The following SAMD8 variants were observed in gnomAD, a reference collection of about 807,000 sequenced individuals.
SAMD8 encodes sterile alpha motif domain containing 8, also known as sphingomyelin synthase-related protein 1.
SAMD8 carries 20 observed loss-of-function variants against 42.0 expected under a neutral mutation model. That is an observed-to-expected ratio of 0.48 (90% CI 0.34 to 0.69). The LOEUF is 0.69. Among genes scored for constraint, SAMD8 ranks in the 30% least tolerant of loss-of-function variants. The pLI, the probability that SAMD8 is intolerant of heterozygous loss-of-function variation, is 0.01. For missense variants in SAMD8, 328 were observed against 511.6 expected, an observed-to-expected ratio of 0.64 and a Z score of 3.46; for synonymous variants, 162 against 173.0, an observed-to-expected ratio of 0.94 and a Z score of 0.50.
At chr10:75,108,106 C>G (rs761985911), upstream of SAMD8, 1 of 1,613,724 alleles carries the variant, frequency 6.2e-7, no homozygotes, top group South Asian at 1.1e-5. Flanking sequence ...ACACTGCTGC[C>G]GTAGAAGTCA....
intron 2 of SAMD8, among the ~76,000 whole-genome samples, chr10:75,162,023 GCAACACTC>G (rs1472380397): frequency 6.6e-6 from 1 of 152,008 alleles, no homozygotes; most frequent in African/African-American, 2.4e-5. Context: ...GGGCAACAGA[GCAACACTC>G]CGTCTCAAAA....
At chr10:75,114,044 A>C (rs921543875) in intron 1 of SAMD8, among the ~76,000 whole-genome samples, 1 of 152,168 alleles carries the variant, frequency 6.6e-6, no homozygotes, top group East Asian at 1.9e-4. Context: ...AATAAAGAAA[A>C]TCAGTTTTTG....
At chr10:75,130,363 G>A (rs1446674706) in intron 1 of SAMD8, among the ~76,000 whole-genome samples, 4 of 151,982 alleles carry the variant, frequency 2.6e-5, no homozygotes, top group East Asian at 3.9e-4. Flanking sequence ...AAAATTAGCC[G>A]GGCTTGGTGG....
At chr10:75,105,994 C>T in intron 1 of SAMD8, 1 of 849,896 alleles carries the variant, frequency 1.2e-6, no homozygotes, top group Non-Finnish European at 1.9e-6. Context: ...GCAAGTCACT[C>T]AGCCTTTATG....
intron 1 of SAMD8, among the ~76,000 whole-genome samples, chr10:75,120,696 C>T (rs1384320165): frequency 6.6e-6 from 1 of 150,904 alleles, no homozygotes; most frequent in African/African-American, 2.4e-5. Context: ...CATTGAGTAA[C>T]TAGAACCTCT....
intron 1 of SAMD8, among the ~76,000 whole-genome samples, chr10:75,145,570 T>G (rs1215137756): frequency 1.4e-4 from 22 of 152,202 alleles, no homozygotes; most frequent in Non-Finnish European, 1.5e-5. Context: ...GTCTTCCTTT[T>G]AAGATTTGTT....
chr10:75,109,130 C>A (rs762584207), upstream of SAMD8: 6 of 1,606,168 alleles, frequency 3.7e-6, no homozygotes, highest in Non-Finnish European at 5.1e-6. Context: ...TCCTCTCCCC[C>A]CAGCTCTGGG....
chr10:75,137,189 T>A (rs1839906893), intron 1 of SAMD8, among the ~76,000 whole-genome samples: 1 of 152,178 alleles, frequency 6.6e-6, no homozygotes, highest in Non-Finnish European at 1.5e-5. Flanking sequence ...CATGGATGGA[T>A]GAATGTGTAA....
chr10:75,137,012 G>A (rs188275185), intron 1 of SAMD8, among the ~76,000 whole-genome samples: 27 of 152,300 alleles, frequency 1.8e-4, no homozygotes, highest in Admixed American at 3.3e-4. Flanking sequence ...TGTGGAAAAT[G>A]ATATGGTGAC....
chr10:75,168,390 CGATGCTTTT>C, intron 3 of SAMD8, 142 bp from the exon 4 acceptor site: 1 of 1,463,494 alleles, frequency 6.8e-7, no homozygotes, highest in South Asian at 1.4e-5. Flanking sequence ...TGTTGGACAA[CGATGCTTTT>C]GATGGTCTTT....
chr10:75,169,841 G>A (rs1190249135), intron 4 of SAMD8, among the ~76,000 whole-genome samples: 1 of 152,148 alleles, frequency 6.6e-6, no homozygotes, highest in African/African-American at 2.4e-5. Flanking sequence ...CCCAGGAGGC[G>A]GAGGTTGCAG....
chr10:75,176,062 A>G lies in SAMD8; in HGVS notation c.793-4A>G, dbSNP rs778949232. ...AAGCACTAATTCATAACTTTTCTTC[A>G]TAGATATATGGCAGTGTATGGGAGA... On this transcript the variant is annotated splice_region_variant and splice_polypyrimidine_tract_variant and intron_variant, in intron 4 of 5. Transcript: ENST00000542569. This position sits in a 1 kb window ranked among gnomAD's most constrained non-coding sequence, Gnocchi z 4.3. 4 of 1,608,594 alleles carry G rather than the reference A, an allele frequency of 2.5e-6. No individual in the cohort carries two copies. Among genetic ancestry groups the G allele is most frequent in the Non-Finnish European group, 3.4e-6 (4 of 1,177,102 alleles).
intron 1 of SAMD8, among the ~76,000 whole-genome samples, chr10:75,100,560 TCCCCAGCTGGGTGAAGCACA>T (rs1848096242): frequency 6.6e-6 from 1 of 152,114 alleles, no homozygotes; most frequent in Non-Finnish European, 1.5e-5. Flanking sequence ...TGTCTCCTTG[TCCCCAGCTGGGTGAAGCACA>T]GGCCCAACGT....
intron 3 of SAMD8, 72 bp downstream of exon 3, chr10:75,164,812 T>C (rs1840638120): frequency 9.1e-7 from 1 of 1,104,286 alleles, no homozygotes; most frequent in Non-Finnish European, 1.4e-6. Flanking sequence ...TCTTAACCTT[T>C]CTCTTTGCAG....
At chr10:75,156,707 A>T (rs1201488787) in intron 2 of SAMD8, among the ~76,000 whole-genome samples, 2 of 152,198 alleles carry the variant, frequency 1.3e-5, no homozygotes, top group Non-Finnish European at 2.9e-5. Context: ...AACATGGAAC[A>T]TTCTACAAGA....
chr10:75,167,433 A>G (rs946272264), intron 3 of SAMD8, among the ~76,000 whole-genome samples: 2 of 152,088 alleles, frequency 1.3e-5, no homozygotes, highest in Non-Finnish European at 2.9e-5. Flanking sequence ...ACAAGATGTT[A>G]CTGTGTTGCC....
chr10:75,164,796 A>C, intron 3 of SAMD8, 56 bp downstream of exon 3: 1 of 1,235,124 alleles, frequency 8.1e-7, no homozygotes, highest in Non-Finnish European at 1.2e-6. Context: ...TATCAAGATC[A>C]TAAAATCTTA....
chr10:75,135,650 C>T (rs533708236), intron 1 of SAMD8, among the ~76,000 whole-genome samples: 1 of 151,484 alleles, frequency 6.6e-6, no homozygotes, highest in South Asian at 2.1e-4. Context: ...ATGGTGAAAC[C>T]CTCTCTCTAC....
chr10:75,129,462 T>C (rs1849224622), intron 1 of SAMD8, among the ~76,000 whole-genome samples: 1 of 152,118 alleles, frequency 6.6e-6, no homozygotes, highest in African/African-American at 2.4e-5. Flanking sequence ...GAGGCTCTCA[T>C]CTCCTGACCT....
Sources: allele counts gnomAD v4.1 joint callset (sites outside exome capture counted in the v4.1 genomes callset), GRCh38; gene constraint gnomAD v4.1.1; non-coding constraint Gnocchi (gnomAD v3.1); transcripts MANE v1.5; gene names NCBI Gene and HGNC (gene_info 2026-07-23, HGNC 2026-07-21).